STK17B: variants seen among roughly 807,000 people sequenced by gnomAD.
STK17B encodes the protein serine/threonine-protein kinase 17B.
A neutral mutation model predicts 42.0 loss-of-function variants in STK17B; 21 were observed. That is an observed-to-expected ratio of 0.50 (90% CI 0.35 to 0.72). STK17B has a LOEUF of 0.72. Among genes scored for constraint, STK17B ranks in the 30% least tolerant of loss-of-function variants. The pLI, the probability that STK17B is intolerant of heterozygous loss-of-function variation, is 0.00. For missense variants in STK17B, 349 were observed against 446.0 expected, an observed-to-expected ratio of 0.78 and a Z score of 1.96; for synonymous variants, 143 against 148.4, an observed-to-expected ratio of 0.96 and a Z score of 0.26.
chr2:196,146,501 C>A (rs750241658), intron 3 of STK17B, among the ~76,000 whole-genome samples: 5 of 151,652 alleles, frequency 3.3e-5, no homozygotes, highest in Non-Finnish European at 5.9e-5. Flanking sequence ...AAGACTCCGT[C>A]CCCAAAAAAA....
chr2:196,159,990 G>T (rs958002235), intron 2 of STK17B, among the ~76,000 whole-genome samples: 3 of 152,040 alleles, frequency 2.0e-5, no homozygotes, highest in Non-Finnish European at 2.9e-5. Flanking sequence ...ATAATTATCA[G>T]ATGACTTAGG....
Position 196,141,314 on chromosome 2 carries a change from A to G in STK17B, c.608-17T>C. The G allele has an allele frequency of 6.3e-7, 1 of 1,592,344 alleles. No homozygotes were observed. Among genetic ancestry groups the G allele is most frequent in the Non-Finnish European group, 8.6e-7 (1 of 1,165,962 alleles). On this transcript the variant is annotated splice_polypyrimidine_tract_variant and intron_variant, in intron 5 of 7. Transcript: ENST00000263955. ...TTTCTGGAGCTGAAAGAAAAGATAA[A>G]ACTTAAATTCAATATTGACAAATTT...
chr2:196,141,715 T>C (rs144041910), intron 5 of STK17B, among the ~76,000 whole-genome samples: 2 of 152,272 alleles, frequency 1.3e-5, no homozygotes, highest in African/African-American at 4.8e-5. Flanking sequence ...TATAAGACGA[T>C]AGAAATTTAG....
intron 7 of STK17B, among the ~76,000 whole-genome samples, chr2:196,138,928 A>C (rs1575169723): frequency 6.6e-6 from 1 of 151,818 alleles, no homozygotes; most frequent in South Asian, 2.1e-4. Context: ...AAGATTTCAC[A>C]ATCAGTAAAT....
chr2:196,157,694 C>CA (rs1330404298), intron 2 of STK17B, among the ~76,000 whole-genome samples: 3 of 152,160 alleles, frequency 2.0e-5, no homozygotes, highest in Admixed American at 2.0e-4. Flanking sequence ...TCATGTTTAT[C>CA]ATTTTAGAAA....
chr2:196,165,437 C>T (rs1015568257), intron 1 of STK17B: 1 of 152,156 alleles, frequency 6.6e-6, no homozygotes, highest in African/African-American at 2.4e-5. Flanking sequence ...TATATACAAA[C>T]ATTTACTTTC....
At chr2:196,137,835 ACATACT>A (rs1699430371) in intron 7 of STK17B, 106 bp from the exon 8 acceptor site, 22 of 1,237,424 alleles carry the variant, frequency 1.8e-5, no homozygotes, top group East Asian at 2.5e-5. Flanking sequence ...TGAAAATAAA[ACATACT>A]CATAGTATAA....
chr2:196,175,211 TTACA>T (rs1699987243), upstream of STK17B, among the ~76,000 whole-genome samples: 1 of 152,224 alleles, frequency 6.6e-6, no homozygotes, highest in Non-Finnish European at 1.5e-5. Flanking sequence ...TATTTTATAC[TTACA>T]GCATGTCCCA....
chr2:196,143,030 A>G (rs1240016037), intron 5 of STK17B, among the ~76,000 whole-genome samples: 1 of 152,200 alleles, frequency 6.6e-6, no homozygotes, highest in Admixed American at 6.5e-5. Context: ...TCTTCTTCAA[A>G]ACCCTACTTT....
At chr2:196,175,496 G>C (rs1699989547), upstream of STK17B, among the ~76,000 whole-genome samples, 1 of 152,120 alleles carries the variant, frequency 6.6e-6, no homozygotes, top group African/African-American at 2.4e-5. Context: ...CATGGTGGCA[G>C]GTTCCTGTGA....
chr2:196,157,296 C>G (rs1374426378), intron 2 of STK17B, among the ~76,000 whole-genome samples: 3 of 152,100 alleles, frequency 2.0e-5, no homozygotes, highest in Non-Finnish European at 4.4e-5. Flanking sequence ...TTCTTCACAC[C>G]TCAGAGAAGA....
rs183127399 is a variant in STK17B at position 196,168,920 on chromosome 2, G to A, written c.-45+2413C>T. Among the ~76,000 whole-genome samples the A allele has an allele frequency of 7.2e-5, 11 of 152,190 alleles. No homozygotes were observed. In the East Asian group the frequency reaches 1.9e-3, roughly 27 times the overall value. On this transcript the variant is annotated intron_variant, in intron 1 of 7. Transcript: ENST00000263955. ...AATATTATGAAAAACTAAAGCAACT[G>A]ACATTTGAAGTTTTCCTAAGTGGAA... is the stretch of plus-strand genomic sequence containing the variant.
chr2:196,144,072 G>T (rs1699531806), intron 4 of STK17B, among the ~76,000 whole-genome samples: 1 of 151,974 alleles, frequency 6.6e-6, no homozygotes, highest in African/African-American at 2.4e-5. Flanking sequence ...GTACGGTGGT[G>T]TCAACCTGTA....
Position 196,137,659 on chromosome 2 carries a change from G to GA in STK17B, c.906dup (p.His303SerfsTer3). On this transcript the variant is annotated frameshift_variant, in exon 8 of 8. Transcript: ENST00000263955. LOFTEE classifies it high-confidence loss of function. ...GAGGAACTGGAAGTTTCTTCAGGGT[G>GA]AAACAAGTTTTCAAAGTCCCACTGC... 3.7e-6 allele frequency: 6 copies of GA among 1,614,088 alleles called. No individual in the cohort carries two copies. Among genetic ancestry groups the GA allele is most frequent in the Non-Finnish European group, 5.1e-6 (6 of 1,179,986 alleles).
Position 196,137,355 on chromosome 2 carries a change from T to C in STK17B, c.*92A>G. 7.4e-7 allele frequency: 1 copy of C among 1,347,620 alleles called. No individual in the cohort carries two copies. Among genetic ancestry groups the C allele is most frequent in the Non-Finnish European group, 1.0e-6 (1 of 992,556 alleles). 83.5% of individuals were successfully genotyped at this position (1,347,620 alleles called of 1,614,324 possible). A position where few individuals can be genotyped will look rare whatever the true frequency, so the allele number is the denominator to read the frequency against. On this transcript the variant is annotated 3_prime_UTR_variant, in exon 8 of 8. Transcript: ENST00000263955. The stretch of plus-strand genomic sequence containing the variant: ...TCCATGGAAAAGTGCATTTACAATA[T>C]AAACATGTCATATATGAAGCTACAA...
intron 1 of STK17B, among the ~76,000 whole-genome samples, chr2:196,163,710 C>CTTA (rs1699841752): frequency 6.6e-6 from 1 of 152,072 alleles, no homozygotes; most frequent in Non-Finnish European, 1.5e-5. Flanking sequence ...CAAACAATCA[C>CTTA]TTAGTTTCAT....
At chr2:196,147,443 G>T (rs1294608859) in intron 3 of STK17B, among the ~76,000 whole-genome samples, 2 of 152,110 alleles carry the variant, frequency 1.3e-5, no homozygotes, top group Non-Finnish European at 2.9e-5. Flanking sequence ...TATGTCATAA[G>T]TGTTAGGAGC....
At chr2:196,140,956 A>G (rs979841893) in intron 6 of STK17B, among the ~76,000 whole-genome samples, 3 of 152,144 alleles carry the variant, frequency 2.0e-5, no homozygotes, top group Non-Finnish European at 4.4e-5. Flanking sequence ...TAAGCATTTC[A>G]CCTTCATCAT....
At chr2:196,175,485 G>A (rs954941410), upstream of STK17B, among the ~76,000 whole-genome samples, 1 of 152,096 alleles carries the variant, frequency 6.6e-6, no homozygotes, top group Non-Finnish European at 1.5e-5. Flanking sequence ...AATTAGCCAG[G>A]CATGGTGGCA....
Sources: gnomAD v4.1 joint callset for allele counts (sites outside exome capture counted in the v4.1 genomes callset) on GRCh38, gnomAD v4.1.1 for gene constraint, MANE v1.5 for transcripts, NCBI Gene and HGNC (gene_info 2026-07-23, HGNC 2026-07-21) for gene names.